The following HS3ST3A1 variants were observed in gnomAD, a reference collection of about 807,000 sequenced individuals.
The protein encoded by HS3ST3A1 is heparan sulfate glucosamine 3-O-sulfotransferase 3A1.
Under a neutral mutation model 25.7 loss-of-function variants are expected in HS3ST3A1, and 19 were observed. That is an observed-to-expected ratio of 0.74 (90% CI 0.52 to 1.08). HS3ST3A1 has a LOEUF of 1.08. HS3ST3A1 is among the 50% of genes least tolerant of loss of function. HS3ST3A1 has a pLI of 0.00. For missense variants in HS3ST3A1, 459 were observed against 594.3 expected, an observed-to-expected ratio of 0.77 and a Z score of 2.37; for synonymous variants, 226 against 278.6, an observed-to-expected ratio of 0.81 and a Z score of 1.88.
rs397960321 is a variant in HS3ST3A1 at position 13,578,393 on chromosome 17, CAAA to C, written c.599+22135_599+22137del. Among the ~76,000 whole-genome samples, 437 of 94,926 alleles carry C rather than the reference CAAA, an allele frequency of 4.6e-3. 6 individuals carry two copies. Among genetic ancestry groups the C allele is most frequent in the African/African-American group, 0.013 (356 of 27,294 alleles). The allele number at this position is 94,926 out of a possible 152,430, so 62.3% of individuals were successfully genotyped here. On this transcript the variant is annotated intron_variant, in intron 1 of 1. Coordinates refer to ENST00000284110, the MANE Select transcript of HS3ST3A1 (RefSeq NM_006042.3). ...TGAAATCCCCGTCTCTACAAAAATA[CAAA>C]AAAAAAAAAAAAAAAAATTAGCTGG...
Position 13,601,050 on chromosome 17 carries a change from A to T in HS3ST3A1, c.80T>A (p.Leu27Gln), listed in dbSNP as rs1339600961. 4.4e-6 allele frequency: 7 copies of T among 1,599,710 alleles called. No individual in the cohort carries two copies. The highest frequency in any genetic ancestry group is 6.0e-6 in the Non-Finnish European group (7 of 1,173,768). The change falls in exon 1 of 2, where the codon CTG (leucine) becomes CAG (glutamine). Residue 27 changes from leucine (L) to glutamine (Q), a missense_variant. By Grantham distance (113) the Leu-to-Gln change is moderately radical. This residue lies in a region of HS3ST3A1 where 346 missense variants were observed against 303.9 expected (regional missense o/e 1.14). Coordinates refer to ENST00000284110, the MANE Select transcript of HS3ST3A1 (RefSeq NM_006042.3). Reference sequence around the variant, plus strand: ...GGACGTGAGCAGGGAGCAGAGCATCAGCAAGAACTTCCGGAAGATGCTGCG... The same window carrying T: ...GGACGTGAGCAGGGAGCAGAGCATCTGCAAGAACTTCCGGAAGATGCTGCG... ...LSRSIFRKFL[L>Q]MLCSLLTSLY...
At chr17:13,510,571 C>A (rs1372534223) in intron 1 of HS3ST3A1, among the ~76,000 whole-genome samples, 1 of 152,148 alleles carries the variant, frequency 6.6e-6, no homozygotes, top group Non-Finnish European at 1.5e-5. Context: ...GGTGCTAAAT[C>A]AATATGTCTT....
intron 1 of HS3ST3A1, among the ~76,000 whole-genome samples, chr17:13,575,885 T>C (rs1299684267): frequency 6.6e-6 from 1 of 152,216 alleles, no homozygotes; most frequent in East Asian, 1.9e-4. Flanking sequence ...GTGAACAGCA[T>C]ATTCACGGCA....
intron 1 of HS3ST3A1, among the ~76,000 whole-genome samples, chr17:13,594,320 C>T (rs1349671811): frequency 1.3e-5 from 2 of 152,156 alleles, no homozygotes; most frequent in African/African-American, 2.4e-5. Context: ...CCCTGCATCC[C>T]AGCCTGCTCT....
intron 1 of HS3ST3A1, among the ~76,000 whole-genome samples, chr17:13,568,734 T>C (rs184126225): frequency 2.4e-3 from 364 of 152,262 alleles, no homozygotes; most frequent in Non-Finnish European, 3.9e-3. Flanking sequence ...TCCTCAATTG[T>C]GGTCGTTCAT....
chr17:13,502,732 C>G (rs1170506482), intron 1 of HS3ST3A1, among the ~76,000 whole-genome samples: 1 of 152,158 alleles, frequency 6.6e-6, no homozygotes, highest in Non-Finnish European at 1.5e-5. Context: ...GCATTTGCCT[C>G]TGGCTATTTA....
chr17:13,505,703 G>T (rs1905641820), intron 1 of HS3ST3A1, among the ~76,000 whole-genome samples: 1 of 151,892 alleles, frequency 6.6e-6, no homozygotes, highest in African/African-American at 2.4e-5. Flanking sequence ...TTATTTTGAA[G>T]AAGGAAGTGG....
At chr17:13,585,783 T>A (rs554885457) in intron 1 of HS3ST3A1, among the ~76,000 whole-genome samples, 1 of 151,194 alleles carries the variant, frequency 6.6e-6, no homozygotes, top group South Asian at 2.1e-4. Context: ...CTTTCCACTT[T>A]ACGTGTATGA....
At chr17:13,502,138 C>T (rs2052009) in intron 1 of HS3ST3A1, among the ~76,000 whole-genome samples, 12,483 of 152,072 alleles carry the variant, frequency 0.082, 737 homozygotes, top group African/African-American at 0.17. Flanking sequence ...GTAAGGGTCT[C>T]GGGGCCTAGG....
At chr17:13,562,696 T>G (rs1415292678) in intron 1 of HS3ST3A1, among the ~76,000 whole-genome samples, 1 of 152,098 alleles carries the variant, frequency 6.6e-6, no homozygotes, top group Non-Finnish European at 1.5e-5. Flanking sequence ...TTTTTCTACA[T>G]TGATGGAAAT....
intron 1 of HS3ST3A1, among the ~76,000 whole-genome samples, chr17:13,573,786 C>T (rs140608113): frequency 9.9e-5 from 15 of 152,186 alleles, no homozygotes; most frequent in African/African-American, 3.1e-4. Flanking sequence ...GGGGCCTTTG[C>T]GAGGTGATTG....
chr17:13,541,163 T>A (rs1359297360), intron 1 of HS3ST3A1, among the ~76,000 whole-genome samples: 2 of 152,156 alleles, frequency 1.3e-5, no homozygotes, highest in Non-Finnish European at 2.9e-5. Flanking sequence ...TGCCAAAGAT[T>A]TCCTATCTCC....
chr17:13,587,679 T>A (rs1037841318), intron 1 of HS3ST3A1, among the ~76,000 whole-genome samples: 2 of 151,614 alleles, frequency 1.3e-5, no homozygotes, highest in African/African-American at 4.9e-5. Flanking sequence ...ATTTATAAAC[T>A]AAACACACTC....
chr17:13,562,427 G>T (rs1050116744), intron 1 of HS3ST3A1, among the ~76,000 whole-genome samples: 8 of 152,038 alleles, frequency 5.3e-5, no homozygotes, highest in African/African-American at 1.4e-4. Flanking sequence ...GACAGCGGGT[G>T]GGGGGGAAAG....
chr17:13,572,753 T>C (rs1907851446), intron 1 of HS3ST3A1, among the ~76,000 whole-genome samples: 1 of 152,186 alleles, frequency 6.6e-6, no homozygotes, highest in South Asian at 2.1e-4. Context: ...ATTTTCTGAG[T>C]TTTTACCATG....
chr17:13,578,130 T>C lies in HS3ST3A1; in HGVS notation c.599+22401A>G, dbSNP rs372594001. 3.6e-4 allele frequency among the ~76,000 whole-genome samples: 55 copies of C among 152,232 alleles called. No homozygotes were observed. In the East Asian group the frequency reaches 5.0e-3, roughly 14 times the overall value. ...TACAAGGAGTCCACGGCAGTTTTAGTCATAGTGAAATATTGGAATCAAGTT... is the reference window on the plus strand; with the variant it reads ...TACAAGGAGTCCACGGCAGTTTTAGCCATAGTGAAATATTGGAATCAAGTT... On this transcript the variant is annotated intron_variant, in intron 1 of 1. Transcript: ENST00000284110.
At chr17:13,512,543 G>A (rs1264656606) in intron 1 of HS3ST3A1, among the ~76,000 whole-genome samples, 2 of 152,088 alleles carry the variant, frequency 1.3e-5, no homozygotes, top group African/African-American at 4.8e-5. Context: ...ACATAGCCAT[G>A]TCCATTTGCA....
chr17:13,547,977 G>C (rs561040835), intron 1 of HS3ST3A1, among the ~76,000 whole-genome samples: 2 of 150,104 alleles, frequency 1.3e-5, no homozygotes, highest in Non-Finnish European at 3.0e-5. Flanking sequence ...CACGTTTGGC[G>C]TCAGGTATGG....
intron 1 of HS3ST3A1, among the ~76,000 whole-genome samples, chr17:13,561,152 A>G (rs1391680035): frequency 6.6e-6 from 1 of 152,136 alleles, no homozygotes; most frequent in East Asian, 1.9e-4. Context: ...ATCACTGGGG[A>G]CAGAACAAGG....
Sources: gnomAD v4.1 joint callset for allele counts (sites outside exome capture counted in the v4.1 genomes callset) on GRCh38, gnomAD v4.1.1 for gene constraint, gnomAD v4.1.1 regional missense constraint, MANE v1.5 for transcripts, NCBI Gene and HGNC (gene_info 2026-07-23, HGNC 2026-07-21) for gene names.